LRRC7: variants seen among roughly 807,000 people sequenced by gnomAD.
LRRC7 encodes the protein leucine rich repeat containing 7.
Under a neutral mutation model 175.7 loss-of-function variants are expected in LRRC7, and 23 were observed. The ratio of observed to expected loss-of-function variants is 0.13; its 90% CI spans 0.09 to 0.19. The LOEUF is 0.19. Among genes scored for constraint, LRRC7 ranks in the 10% least tolerant of loss-of-function variants. The probability of loss-of-function intolerance (pLI) is 1.00; values close to 1 mark genes in which losing one functional copy is unlikely to be tolerated. For missense variants in LRRC7, 1,354 were observed against 1,904.7 expected (o/e 0.71, Z 5.38); for synonymous variants, 685 against 680.9 (o/e 1.01, Z -0.09).
intron 24 of LRRC7, among the ~76,000 whole-genome samples, chr1:70,082,742 A>G (rs1663294639): frequency 8.0e-6 from 1 of 124,456 alleles, no homozygotes; most frequent in African/African-American, 2.9e-5. Context: ...AGAAAGTGCT[A>G]CATCAGGGGA....
chr1:69,641,998 T>C (rs1654286896), intron 1 of LRRC7, among the ~76,000 whole-genome samples: 1 of 151,914 alleles, frequency 6.6e-6, no homozygotes, highest in Admixed American at 6.6e-5. Flanking sequence ...GTTGGTAGCA[T>C]GGTAGCATTA....
rs917205214 is a variant in LRRC7 at position 69,681,810 on chromosome 1, C to A, written c.100+3332C>A. Among the ~76,000 whole-genome samples, 8 of 152,252 alleles carry A rather than the reference C, an allele frequency of 5.3e-5. No individual in the cohort carries two copies. The South Asian group carries it at 1.4e-3, about 28-fold the overall frequency. ...CAGTCCAGTCTGATTCCTGTCCAGT[C>A]ACTCTACTGAAACAGCTTTTGTTCA... On this transcript the variant is annotated intron_variant, in intron 2 of 26. Coordinates refer to ENST00000651989, the MANE Select transcript of LRRC7 (RefSeq NM_001370785.2).
At chr1:69,871,897 G>C (rs952503821) in intron 7 of LRRC7, among the ~76,000 whole-genome samples, 1 of 151,866 alleles carries the variant, frequency 6.6e-6, no homozygotes, top group African/African-American at 2.4e-5. Flanking sequence ...TCAACCTTTA[G>C]AGTATTTGCC....
At chr1:70,015,607 T>G (rs1656896550) in intron 13 of LRRC7, among the ~76,000 whole-genome samples, 1 of 152,202 alleles carries the variant, frequency 6.6e-6, no homozygotes, top group Admixed American at 6.5e-5. Flanking sequence ...ACCCATGTGA[T>G]CACGATGTGT....
intron 7 of LRRC7, chr1:69,919,928 G>A: frequency 3.1e-6 from 2 of 639,604 alleles, no homozygotes; most frequent in Non-Finnish European, 5.7e-6. Context: ...CTGTCACACA[G>A]TATTTATTGT....
intron 1 of LRRC7, among the ~76,000 whole-genome samples, chr1:69,671,490 C>T (rs1008270158): frequency 6.6e-6 from 1 of 152,146 alleles, no homozygotes; most frequent in Non-Finnish European, 1.5e-5. Context: ...GACACATTCC[C>T]TTAGCCAACC....
chr1:69,971,689 A>G (rs942733523), intron 8 of LRRC7, among the ~76,000 whole-genome samples: 4 of 152,192 alleles, frequency 2.6e-5, no homozygotes, highest in African/African-American at 9.7e-5. Context: ...GAAAACGACC[A>G]TACTGCCAAA....
At chr1:69,820,890 C>A (rs1171549450) in intron 4 of LRRC7, among the ~76,000 whole-genome samples, 2 of 152,084 alleles carry the variant, frequency 1.3e-5, no homozygotes, top group African/African-American at 2.4e-5. Context: ...AATGGGATTG[C>A]TGGGTCAAAT....
intron 7 of LRRC7, among the ~76,000 whole-genome samples, chr1:69,894,099 G>T (rs1325770714): frequency 1.3e-5 from 2 of 152,142 alleles, no homozygotes; most frequent in Non-Finnish European, 2.9e-5. Context: ...AAGAAATAGT[G>T]ATCATTTTAT....
chr1:69,934,197 C>T (rs535274494), intron 8 of LRRC7, among the ~76,000 whole-genome samples: 9 of 152,210 alleles, frequency 5.9e-5, no homozygotes, highest in African/African-American at 1.9e-4. Flanking sequence ...TAGATATTGA[C>T]ACCGTAGGAG....
chr1:69,675,231 T>C (rs1365166536), intron 1 of LRRC7, among the ~76,000 whole-genome samples: 1 of 152,182 alleles, frequency 6.6e-6, no homozygotes, highest in Non-Finnish European at 1.5e-5. Flanking sequence ...CCATGATTCC[T>C]GGGAGGCTAA....
Position 70,126,151 on chromosome 1 carries a change from G to A in LRRC7, c.*4264G>A, listed in dbSNP as rs531463009. ...CTGATGAATACATTCTCATCAAGAG[G>A]CAAGAATACAACATAACCAGGTCAA... On this transcript the variant is annotated 3_prime_UTR_variant, in exon 27 of 27. Coordinates refer to ENST00000651989, the MANE Select transcript of LRRC7 (RefSeq NM_001370785.2). Among the ~76,000 whole-genome samples, 1 of 152,100 alleles carries A rather than the reference G, an allele frequency of 6.6e-6. No homozygotes were observed. Among genetic ancestry groups the A allele is most frequent in the South Asian group, 2.1e-4 (1 of 4,822 alleles).
In LRRC7 at chr1:70,097,776, A is replaced by G. The variant is rs1410521392; in HGVS notation, c.4545+7957A>G. On this transcript the variant is annotated intron_variant, in intron 25 of 26. Coordinates refer to ENST00000651989, the MANE Select transcript of LRRC7 (RefSeq NM_001370785.2). ...GATTTCCAATTTCATCCATGTCCCT[A>G]CAAAGGACATGAACTCATCATTTTT... 5.9e-5 allele frequency among the ~76,000 whole-genome samples: 9 copies of G among 151,578 alleles called. No individual in the cohort carries two copies. The East Asian group carries it at 1.6e-3, about 26-fold the overall frequency.
At chr1:69,764,391 T>C (rs1671372850) in intron 3 of LRRC7, among the ~76,000 whole-genome samples, 1 of 151,918 alleles carries the variant, frequency 6.6e-6, no homozygotes, top group Non-Finnish European at 1.5e-5. Context: ...TAATTAATTT[T>C]GGAAAAGCCA....
intron 2 of LRRC7, among the ~76,000 whole-genome samples, chr1:69,733,773 A>T (rs1350177870): frequency 6.6e-6 from 1 of 152,034 alleles, no homozygotes; most frequent in Non-Finnish European, 1.5e-5. Context: ...CTTTGCTAAA[A>T]ATGTCATTTT....
At chr1:69,794,267 C>A (rs993670807) in intron 4 of LRRC7, among the ~76,000 whole-genome samples, 1 of 151,652 alleles carries the variant, frequency 6.6e-6, no homozygotes, top group Admixed American at 6.6e-5. Flanking sequence ...AAACATGTTT[C>A]CTGAAGATTT....
intron 4 of LRRC7, among the ~76,000 whole-genome samples, chr1:69,808,109 T>A (rs1677354633): frequency 6.6e-6 from 1 of 151,780 alleles, no homozygotes; most frequent in Non-Finnish European, 1.5e-5. Context: ...TACTTGTGTA[T>A]GCTTCACAGA....
chr1:69,635,234 A>G (rs1653140457), intron 1 of LRRC7, among the ~76,000 whole-genome samples: 1 of 152,100 alleles, frequency 6.6e-6, no homozygotes, highest in Admixed American at 6.6e-5. Context: ...AGCTCCATCC[A>G]TGTCCCTGCA....
At chr1:70,009,355 CTTTTTTTT>C (rs11286744) in intron 11 of LRRC7, among the ~76,000 whole-genome samples, 1 of 132,630 alleles carries the variant, frequency 7.5e-6, no homozygotes. Flanking sequence ...TTCTTTCTTT[CTTTTTTTT>C]TTTTTTTTGA....
Sources: allele counts gnomAD v4.1 joint callset (sites outside exome capture counted in the v4.1 genomes callset), GRCh38; gene constraint gnomAD v4.1.1; transcripts MANE v1.5; gene names NCBI Gene and HGNC (gene_info 2026-07-23, HGNC 2026-07-21).